Variants in GRID2 observed in about 807,000 individuals in gnomAD.
The protein encoded by GRID2 is glutamate ionotropic receptor delta type subunit 2.
GRID2 carries 33 observed loss-of-function variants against 114.8 expected under a neutral mutation model. The ratio of observed to expected loss-of-function variants is 0.29; its 90% CI spans 0.22 to 0.38. GRID2 has a LOEUF of 0.38. Among genes scored for constraint, GRID2 ranks in the 10% least tolerant of loss-of-function variants. The pLI is 1.00. For missense variants in GRID2, 1,184 were observed against 1,257.7 expected (o/e 0.94, Z 0.89); for synonymous variants, 505 against 449.9 (o/e 1.12, Z -1.55).
chr4:92,839,196 A>C (rs1032967936), intron 2 of GRID2, among the ~76,000 whole-genome samples: 2 of 151,910 alleles, frequency 1.3e-5, no homozygotes, highest in African/African-American at 2.4e-5. Flanking sequence ...TTTGATTTAC[A>C]AATTTGGTAA....
intron 8 of GRID2, among the ~76,000 whole-genome samples, chr4:93,298,438 C>T (rs1189458441): frequency 6.6e-6 from 1 of 152,086 alleles, no homozygotes; most frequent in Non-Finnish European, 1.5e-5. Context: ...CTCTATGGTC[C>T]CTTTTAAAAG....
intron 2 of GRID2, among the ~76,000 whole-genome samples, chr4:92,725,626 T>A (rs1477306470): frequency 3.9e-5 from 6 of 152,122 alleles, no homozygotes; most frequent in African/African-American, 1.4e-4. Context: ...GTGACAGGAA[T>A]CTTGGGAGAT....
Position 93,063,177 on chromosome 4 carries a change from T to C in GRID2, c.245-21818T>C, listed in dbSNP as rs1727958076. On this transcript the variant is annotated intron_variant, in intron 2 of 15. Transcript: ENST00000282020. ...AAATAGTACTATGAAATTCAACATA[T>C]GGGAAGCATTTGCAGTTTAGAATTA... Among the ~76,000 whole-genome samples, 3 of 151,822 alleles carry C rather than the reference T, an allele frequency of 2.0e-5. No homozygotes were observed. The South Asian group carries it at 6.2e-4, about 31-fold the overall frequency.
At chr4:93,717,849 A>C (rs570626566) in intron 14 of GRID2, among the ~76,000 whole-genome samples, 3 of 152,202 alleles carry the variant, frequency 2.0e-5, no homozygotes, top group Non-Finnish European at 4.4e-5. Flanking sequence ...CCATAATTCA[A>C]TGAGAACATT....
intron 13 of GRID2, among the ~76,000 whole-genome samples, chr4:93,593,198 G>T (rs569556190): frequency 1.3e-5 from 2 of 148,570 alleles, no homozygotes; most frequent in African/African-American, 2.4e-5. Context: ...GGTACCGGTT[G>T]TTCCTTTCCA....
chr4:92,754,764 C>A (rs1395222835), intron 2 of GRID2, among the ~76,000 whole-genome samples: 1 of 152,026 alleles, frequency 6.6e-6, no homozygotes, highest in Non-Finnish European at 1.5e-5. Context: ...ACTTTCCGGA[C>A]AAATTCAGAT....
intron 2 of GRID2, among the ~76,000 whole-genome samples, chr4:92,613,820 T>C (rs140238433): frequency 0.015 from 2,319 of 151,602 alleles, 21 homozygotes; most frequent in Non-Finnish European, 0.024. Context: ...TTTTTCTCCT[T>C]TGTGTTTCTT....
chr4:93,041,130 A>G (rs1361768002), intron 2 of GRID2, among the ~76,000 whole-genome samples: 2 of 152,184 alleles, frequency 1.3e-5, no homozygotes, highest in Non-Finnish European at 2.9e-5. Flanking sequence ...AGTGAAGGGA[A>G]TTAAGAGTTT....
intron 2 of GRID2, among the ~76,000 whole-genome samples, chr4:92,617,544 AT>A (rs1470110701): frequency 6.6e-6 from 1 of 151,676 alleles, no homozygotes; most frequent in Non-Finnish European, 1.5e-5. Context: ...AAATGACAGG[AT>A]ATCATTCTTT....
intron 8 of GRID2, among the ~76,000 whole-genome samples, chr4:93,253,091 T>C (rs1434034676): frequency 1.9e-5 from 1 of 52,790 alleles, no homozygotes; most frequent in African/African-American, 1.3e-4. Flanking sequence ...CTACTAAAAA[T>C]ACAAAAAAAA....
chr4:93,121,094 A>G (rs1733742505), intron 4 of GRID2, among the ~76,000 whole-genome samples: 1 of 152,172 alleles, frequency 6.6e-6, no homozygotes, highest in Non-Finnish European at 1.5e-5. Context: ...TTAAAGTATA[A>G]TAATAATAAA....
chr4:93,684,657 C>T (rs1176452936), intron 14 of GRID2, among the ~76,000 whole-genome samples: 1 of 152,022 alleles, frequency 6.6e-6, no homozygotes, highest in Admixed American at 6.6e-5. Context: ...ACAGGGGATG[C>T]TGGCTAAACC....
At chr4:93,519,891 G>A (rs1350834825) in intron 13 of GRID2, among the ~76,000 whole-genome samples, 5 of 152,100 alleles carry the variant, frequency 3.3e-5, no homozygotes, top group Admixed American at 3.3e-4. Flanking sequence ...CTATTACTGG[G>A]GGGAACTCAC....
intron 2 of GRID2, among the ~76,000 whole-genome samples, chr4:92,602,270 G>A (rs1211683133): frequency 1.3e-5 from 2 of 151,136 alleles, no homozygotes; most frequent in South Asian, 2.1e-4. Flanking sequence ...CTTCAGGCCA[G>A]TATCCCTGAT....
At chr4:92,611,086 ATATATATGTGTGTG>A (rs1329761488) in intron 2 of GRID2, among the ~76,000 whole-genome samples, 1 of 135,196 alleles carries the variant, frequency 7.4e-6, no homozygotes, top group African/African-American at 2.6e-5. Context: ...ATATGTGTGT[ATATATATGTGTGTG>A]TGTATATGTG....
chr4:93,236,792 C>A (rs181591405), intron 7 of GRID2, among the ~76,000 whole-genome samples: 3 of 151,936 alleles, frequency 2.0e-5, no homozygotes, highest in Non-Finnish European at 4.4e-5. Context: ...AAATATTTTC[C>A]AAAGCCATCT....
chr4:92,669,504 G>C (rs1732949401), intron 2 of GRID2, among the ~76,000 whole-genome samples: 1 of 151,910 alleles, frequency 6.6e-6, no homozygotes, highest in African/African-American at 2.4e-5. Flanking sequence ...ACATATCTCT[G>C]ACTTGCTGGG....
At chr4:93,194,383 T>G (rs1412464563) in intron 4 of GRID2, among the ~76,000 whole-genome samples, 1 of 152,074 alleles carries the variant, frequency 6.6e-6, no homozygotes, top group Admixed American at 6.6e-5. Context: ...TTTTAAGGAG[T>G]TTTTTTCAGA....
intron 13 of GRID2, among the ~76,000 whole-genome samples, chr4:93,546,238 A>C (rs983262108): frequency 2.0e-5 from 3 of 152,218 alleles, no homozygotes; most frequent in Admixed American, 6.6e-5. Flanking sequence ...TAGTTGTTTA[A>C]GATGCTTATT....
Sources: gnomAD v4.1 joint callset for allele counts (sites outside exome capture counted in the v4.1 genomes callset) on GRCh38, gnomAD v4.1.1 for gene constraint, MANE v1.5 for transcripts, NCBI Gene and HGNC (gene_info 2026-07-23, HGNC 2026-07-21) for gene names.